Variants in EYS observed in about 807,000 individuals in gnomAD.
EYS encodes protein eyes shut homolog.
In EYS, 250 loss-of-function variants were observed where a neutral mutation model predicts 282.1. The observed-to-expected ratio is 0.89, with a 90% CI of 0.80 to 0.98. The LOEUF (loss-of-function observed/expected upper bound fraction) is 0.98. Ranked by LOEUF, EYS falls within the 50% of genes least tolerant of loss-of-function variation. The probability of loss-of-function intolerance (pLI) is 0.00; values close to 1 mark genes in which losing one functional copy is unlikely to be tolerated. For missense variants in EYS, 4,016 were observed against 3,709.0 expected (o/e 1.08, Z -2.15); for synonymous variants, 1,355 against 1,282.9 (o/e 1.06, Z -1.20).
At chr6:64,017,913 T>A (rs1768973511) in intron 33 of EYS, among the ~76,000 whole-genome samples, 1 of 152,216 alleles carries the variant, frequency 6.6e-6, no homozygotes. Context: ...ACATTTTCAT[T>A]GACCTTCTAA....
intron 23 of EYS, among the ~76,000 whole-genome samples, chr6:64,625,138 T>C (rs1468910004): frequency 2.0e-5 from 3 of 152,090 alleles, no homozygotes; most frequent in African/African-American, 7.2e-5. Context: ...TTGGGTTAAC[T>C]GAATGTTGAA....
intron 22 of EYS, among the ~76,000 whole-genome samples, chr6:64,676,434 C>T (rs9767404): frequency 6.7e-6 from 1 of 150,302 alleles, no homozygotes; most frequent in South Asian, 2.1e-4. Context: ...ACTTTATTAT[C>T]TACGTTTCTG....
chr6:64,295,993 C>G (rs1354613386), intron 30 of EYS, among the ~76,000 whole-genome samples: 2 of 152,072 alleles, frequency 1.3e-5, no homozygotes, highest in East Asian at 1.9e-4. Context: ...AATATTTTGG[C>G]AGCAAAAAAT....
At chr6:64,221,705 C>G (rs187935101) in intron 31 of EYS, among the ~76,000 whole-genome samples, 153 of 152,134 alleles carry the variant, frequency 1.0e-3, no homozygotes, top group Non-Finnish European at 2.0e-3. Flanking sequence ...AATTGCACAC[C>G]TTTCTGAGTA....
intron 19 of EYS, among the ~76,000 whole-genome samples, chr6:64,852,713 G>C (rs1765924493): frequency 6.6e-6 from 1 of 151,992 alleles, no homozygotes. Context: ...ATAGATACAG[G>C]GAGAAATGGC....
intron 21 of EYS, among the ~76,000 whole-genome samples, chr6:64,816,517 C>A (rs182306198): frequency 6.6e-6 from 1 of 152,108 alleles, no homozygotes; most frequent in African/African-American, 2.4e-5. Flanking sequence ...GGTTTGGGCT[C>A]ACTTTTGCAT....
chr6:63,882,497 C>G (rs564370843), intron 35 of EYS, among the ~76,000 whole-genome samples: 1 of 152,182 alleles, frequency 6.6e-6, no homozygotes, highest in African/African-American at 2.4e-5. Flanking sequence ...CATTCATTCA[C>G]CCACTCAACG....
intron 2 of EYS, among the ~76,000 whole-genome samples, chr6:65,511,366 T>TGTGTGA (rs1483362971): frequency 9.6e-5 from 14 of 145,898 alleles, no homozygotes; most frequent in Non-Finnish European, 1.4e-4. Flanking sequence ...TGTGTGTGTG[T>TGTGTGA]GAGAGAGAGA....
chr6:64,907,849 G>A (rs962945030), intron 16 of EYS, among the ~76,000 whole-genome samples: 1 of 151,912 alleles, frequency 6.6e-6, no homozygotes, highest in African/African-American at 2.4e-5. Context: ...AAAAAAAAAA[G>A]TCTGAGATAA....
At chr6:64,262,013 C>T (rs1379081400) in intron 30 of EYS, among the ~76,000 whole-genome samples, 5 of 151,990 alleles carry the variant, frequency 3.3e-5, no homozygotes, top group African/African-American at 1.2e-4. Flanking sequence ...CCTTGGACTC[C>T]AAAAGTGCTG....
In EYS at chr6:64,591,936, C is replaced by T. The variant is rs2149832592; in HGVS notation, c.3931G>A (p.Ala1311Thr). ...KHDILPTTGL[A>T]TLRISTPLES... ...AAGGGTGTGCTAATTCTTAATGTTG[C>T]CAAACCAGTGGTTGGGAGAATGTCG... The change falls in exon 26 of 43, where the codon GCA becomes ACA. Residue 1311 changes from alanine (A) to threonine (T), a missense_variant. Coordinates refer to ENST00000503581, the MANE Select transcript of EYS (RefSeq NM_001142800.2). The T allele has an allele frequency of 6.5e-7, 1 of 1,532,262 alleles. No homozygotes were observed. Among genetic ancestry groups the T allele is most frequent in the African/African-American group, 1.4e-5 (1 of 72,572 alleles). 94.9% of individuals were successfully genotyped at this position (1,532,262 alleles called of 1,614,324 possible).
At chr6:65,247,939 GA>G (rs565179792) in intron 12 of EYS, among the ~76,000 whole-genome samples, 2 of 151,606 alleles carry the variant, frequency 1.3e-5, no homozygotes, top group Non-Finnish European at 2.9e-5. Context: ...GCTTATTTTG[GA>G]AAAAAATGGG....
intron 30 of EYS, among the ~76,000 whole-genome samples, chr6:64,284,260 T>C (rs1410628235): frequency 1.3e-5 from 2 of 152,158 alleles, no homozygotes; most frequent in East Asian, 3.9e-4. Flanking sequence ...ACAGGATAAA[T>C]TGGCTAAAAC....
intron 12 of EYS, among the ~76,000 whole-genome samples, chr6:65,094,521 A>C (rs1415686442): frequency 6.6e-6 from 1 of 151,362 alleles, no homozygotes; most frequent in Non-Finnish European, 1.5e-5. Flanking sequence ...AGTCTTACCA[A>C]GTATTATTTC....
intron 12 of EYS, among the ~76,000 whole-genome samples, chr6:65,097,479 C>G (rs1774772654): frequency 6.6e-6 from 1 of 150,864 alleles, no homozygotes; most frequent in Admixed American, 6.6e-5. Context: ...CCACATGATT[C>G]AGAAATCTCA....
chr6:64,144,803 G>A (rs952811649), intron 31 of EYS, among the ~76,000 whole-genome samples: 1 of 152,110 alleles, frequency 6.6e-6, no homozygotes, highest in African/African-American at 2.4e-5. Context: ...AGTAGGTCGC[G>A]CAGAACAAGA....
At chr6:64,489,533 T>A (rs1028094295) in intron 26 of EYS, among the ~76,000 whole-genome samples, 1 of 147,334 alleles carries the variant, frequency 6.8e-6, no homozygotes, top group Admixed American at 6.8e-5. Context: ...AATATCAATA[T>A]AAATATTTTA....
chr6:63,728,099 T>TA (rs1768687687), intron 41 of EYS, among the ~76,000 whole-genome samples: 1 of 152,128 alleles, frequency 6.6e-6, no homozygotes, highest in African/African-American at 2.4e-5. Context: ...TTTTAAAATA[T>TA]TGCTAAATTA....
At chr6:63,924,590 T>C (rs1189141514) in intron 35 of EYS, among the ~76,000 whole-genome samples, 2 of 152,208 alleles carry the variant, frequency 1.3e-5, no homozygotes, top group Non-Finnish European at 1.5e-5. Flanking sequence ...GGGGTTATCA[T>C]CAGTATAAGC....
Sources: gnomAD v4.1 joint callset for allele counts (sites outside exome capture counted in the v4.1 genomes callset) on GRCh38, gnomAD v4.1.1 for gene constraint, MANE v1.5 for transcripts, NCBI Gene and HGNC (gene_info 2026-07-23, HGNC 2026-07-21) for gene names.